PRKG1: variants seen among roughly 807,000 people sequenced by gnomAD.
PRKG1 encodes protein kinase cGMP-dependent 1, also known as cGMP-dependent protein kinase 1.
In PRKG1, 35 loss-of-function variants were observed where a neutral mutation model predicts 88.1. That is an observed-to-expected ratio of 0.40 (90% CI 0.30 to 0.53). PRKG1 has a LOEUF of 0.53. Among genes scored for constraint, PRKG1 ranks in the 20% least tolerant of loss-of-function variants. The probability of loss-of-function intolerance (pLI) is 0.59; values close to 1 mark genes in which losing one functional copy is unlikely to be tolerated. For missense variants in PRKG1, 540 were observed against 839.8 expected (o/e 0.64, Z 4.41); for synonymous variants, 303 against 292.5 (o/e 1.04, Z -0.37).
chr10:51,895,130 G>A (rs1427297357), intron 4 of PRKG1, among the ~76,000 whole-genome samples: 1 of 152,170 alleles, frequency 6.6e-6, no homozygotes, highest in Admixed American at 6.6e-5. Flanking sequence ...GAGACTTATT[G>A]AATGAATGGA....
At chr10:51,459,982 A>G (rs1428163816) in intron 2 of PRKG1, among the ~76,000 whole-genome samples, 1 of 152,134 alleles carries the variant, frequency 6.6e-6, no homozygotes, top group African/African-American at 2.4e-5. Context: ...CCCTTGAAAT[A>G]TAGAGTATTT....
chr10:52,102,599 G>GAAAAAAAAAAAA (rs71032624), intron 7 of PRKG1, among the ~76,000 whole-genome samples: 1 of 125,484 alleles, frequency 8.0e-6, no homozygotes. Context: ...GCAAAAAAAA[G>GAAAAAAAAAAAA]AAAAAAAAAT....
intron 3 of PRKG1, among the ~76,000 whole-genome samples, chr10:51,495,244 G>A (rs542084838): frequency 1.1e-4 from 17 of 152,160 alleles, no homozygotes; most frequent in African/African-American, 2.2e-4. Flanking sequence ...ACAGGCGAGC[G>A]CCACCACACC....
chr10:52,041,700 GT>G (rs1564443976), intron 5 of PRKG1, among the ~76,000 whole-genome samples: 2 of 151,976 alleles, frequency 1.3e-5, no homozygotes, highest in African/African-American at 4.8e-5. Flanking sequence ...CTGAATCTTC[GT>G]AAGTTGTATG....
chr10:51,880,638 G>C (rs1266197839), intron 4 of PRKG1, among the ~76,000 whole-genome samples: 1 of 152,110 alleles, frequency 6.6e-6, no homozygotes, highest in Admixed American at 6.5e-5. Flanking sequence ...TTTTAAAAAC[G>C]TCCTCCTCTA....
chr10:52,172,081 C>T (rs1437596959), intron 9 of PRKG1, among the ~76,000 whole-genome samples: 1 of 152,212 alleles, frequency 6.6e-6, no homozygotes, highest in Non-Finnish European at 1.5e-5. Flanking sequence ...GGATTACAGG[C>T]GTGAGCCACC....
intron 3 of PRKG1, among the ~76,000 whole-genome samples, chr10:51,762,117 C>T (rs891218093): frequency 6.6e-6 from 1 of 152,134 alleles, no homozygotes; most frequent in African/African-American, 2.4e-5. Context: ...GATATAAGAA[C>T]ATGCTATTGA....
At chr10:51,268,229 C>T (rs914279053) in intron 2 of PRKG1, among the ~76,000 whole-genome samples, 7 of 152,146 alleles carry the variant, frequency 4.6e-5, no homozygotes, top group South Asian at 4.2e-4. Flanking sequence ...AGGACCAGGG[C>T]GAAATTAAAA....
chr10:52,258,839 C>A (rs1384692398), intron 10 of PRKG1, among the ~76,000 whole-genome samples: 2 of 151,898 alleles, frequency 1.3e-5, no homozygotes, highest in Non-Finnish European at 2.9e-5. Context: ...GGAGAGAGGT[C>A]ATTTGAAATT....
At chr10:51,671,984 T>C (rs1840592691) in intron 3 of PRKG1, among the ~76,000 whole-genome samples, 1 of 152,230 alleles carries the variant, frequency 6.6e-6, no homozygotes, top group African/African-American at 2.4e-5. Flanking sequence ...AGGAAGGACA[T>C]AAATTTTAAG....
chr10:51,790,914 T>C (rs1838854098), intron 3 of PRKG1, among the ~76,000 whole-genome samples: 1 of 152,192 alleles, frequency 6.6e-6, no homozygotes, highest in African/African-American at 2.4e-5. Flanking sequence ...ATCCTGTCTC[T>C]GTTATTTTAT....
In PRKG1 at chr10:51,213,454, C is replaced by T. The variant is rs574203778; in HGVS notation, c.478+60124C>T. ...CACGTTGTGCACATGTACCCTAAAA[C>T]TTAAAGTATAATAATAAAAAAAATG... On this transcript the variant is annotated intron_variant, in intron 2 of 17. Coordinates refer to ENST00000373980, the MANE Select transcript of PRKG1 (RefSeq NM_006258.4). 2.2e-3 allele frequency among the ~76,000 whole-genome samples: 337 copies of T among 152,144 alleles called. 2 individuals carry two copies. Among genetic ancestry groups the T allele is most frequent in the South Asian group, 7.1e-3 (34 of 4,818 alleles).
intron 1 of PRKG1, among the ~76,000 whole-genome samples, chr10:51,028,118 G>A (rs141576734): frequency 8.5e-4 from 130 of 152,208 alleles, no homozygotes; most frequent in African/African-American, 3.0e-3. Context: ...GGAAACTGAT[G>A]AATATTTGAG....
rs1306233620 is a variant in PRKG1, at chr10:51,703,945, C to T, written c.593-100640C>T. Among the ~76,000 whole-genome samples, 11 of 151,714 alleles carry T rather than the reference C, an allele frequency of 7.3e-5. No homozygotes were observed. In the East Asian group the frequency reaches 1.7e-3, roughly 24 times the overall value. On this transcript the variant is annotated intron_variant, in intron 3 of 17. Transcript: ENST00000373980. ...TTTGGTCAGGAGTTCAAGACCAGCC[C>T]GGCCAACATGGTGAAATGGTGAAAC...
At chr10:51,003,635 T>A in intron 1 of PRKG1, among the ~76,000 whole-genome samples, 1 of 152,196 alleles carries the variant, frequency 6.6e-6, no homozygotes, top group East Asian at 1.9e-4. Flanking sequence ...GCAAAAACAA[T>A]GTGTGCTGGT....
chr10:51,159,229 G>T (rs1589206028), intron 2 of PRKG1, among the ~76,000 whole-genome samples: 2 of 152,128 alleles, frequency 1.3e-5, no homozygotes, highest in African/African-American at 2.4e-5. Context: ...CATTAAAAAT[G>T]AGCCTTTCGA....
intron 7 of PRKG1, among the ~76,000 whole-genome samples, chr10:52,133,519 T>C (rs866772381): frequency 2.6e-4 from 39 of 152,284 alleles, no homozygotes; most frequent in African/African-American, 8.7e-4. Context: ...ATATTTATGT[T>C]TGTTACTATC....
chr10:52,023,965 G>T (rs10823974), intron 5 of PRKG1, among the ~76,000 whole-genome samples: 98,670 of 152,038 alleles, frequency 0.65, 32,553 homozygotes, highest in African/African-American at 0.77. Flanking sequence ...GCTTTTGGTG[G>T]TTTAGTCATG....
chr10:52,131,990 C>CT (rs1837279370), intron 7 of PRKG1, among the ~76,000 whole-genome samples: 1 of 151,302 alleles, frequency 6.6e-6, no homozygotes, highest in Non-Finnish European at 1.5e-5. Context: ...TAATTGATGG[C>CT]TTTTTTAAAA....
Sources: allele counts gnomAD v4.1 joint callset (sites outside exome capture counted in the v4.1 genomes callset), GRCh38; gene constraint gnomAD v4.1.1; transcripts MANE v1.5; gene names NCBI Gene and HGNC (gene_info 2026-07-23, HGNC 2026-07-21).